Variants in KIAA1217 observed in about 807,000 individuals in gnomAD.
KIAA1217 encodes the protein sickle tail protein homolog.
A neutral mutation model predicts 163.9 loss-of-function variants in KIAA1217; 88 were observed. The observed-to-expected ratio is 0.54, with a 90% CI of 0.45 to 0.64. KIAA1217 has a LOEUF of 0.64. KIAA1217 is among the 30% of genes least tolerant of loss of function. The pLI is 0.00. For missense variants in KIAA1217, 2,372 were observed against 2,475.0 expected (o/e 0.96, Z 0.88); for synonymous variants, 903 against 923.1 (o/e 0.98, Z 0.39).
intron 2 of KIAA1217, among the ~76,000 whole-genome samples, chr10:24,111,379 A>G (rs1011345784): frequency 6.6e-6 from 1 of 152,174 alleles, no homozygotes; most frequent in Admixed American, 6.5e-5. Flanking sequence ...TAGTTGAATA[A>G]CGCAATATTC....
At chr10:23,719,112 C>G (rs1228138019) in intron 1 of KIAA1217, among the ~76,000 whole-genome samples, 1 of 152,128 alleles carries the variant, frequency 6.6e-6, no homozygotes, top group African/African-American at 2.4e-5. Context: ...ACTACATGTT[C>G]ATAGCAGCTC....
intron 5 of KIAA1217, among the ~76,000 whole-genome samples, chr10:24,450,351 A>G (rs1365256126): frequency 6.6e-6 from 1 of 152,244 alleles, no homozygotes; most frequent in Non-Finnish European, 1.5e-5. Flanking sequence ...ATCACATTAA[A>G]AACTTCTACA....
chr10:23,987,396 A>C lies in KIAA1217; in HGVS notation c.-320-19829A>C, dbSNP rs1589191501. Among the ~76,000 whole-genome samples, 17 of 142,088 alleles carry C rather than the reference A, an allele frequency of 1.2e-4. 3 individuals are homozygous for C. Among genetic ancestry groups the C allele is most frequent in the South Asian group, 4.7e-4 (2 of 4,260 alleles). 93.2% of individuals were successfully genotyped at this position (142,088 alleles called of 152,430 possible). On this transcript the variant is annotated intron_variant, in intron 1 of 18. Transcript: ENST00000376462. ...CATCTCAAAAAAAAAAAAAAAAGCC[A>C]CCCTTCTTACTTTTGTTTTTTTAAA...
intron 1 of KIAA1217, among the ~76,000 whole-genome samples, chr10:23,780,815 G>A (rs574623017): frequency 6.6e-6 from 1 of 152,010 alleles, no homozygotes; most frequent in African/African-American, 2.4e-5. Context: ...CGAGTAGCTG[G>A]GATTACAGGT....
intron 3 of KIAA1217, among the ~76,000 whole-genome samples, chr10:24,382,051 T>C (rs2053383523): frequency 6.6e-6 from 1 of 151,968 alleles, no homozygotes; most frequent in African/African-American, 2.4e-5. Context: ...GTTTACTTTC[T>C]ATCTTGCTTT....
intron 1 of KIAA1217, among the ~76,000 whole-genome samples, chr10:23,881,921 G>C (rs1048624524): frequency 6.6e-6 from 1 of 151,868 alleles, no homozygotes; most frequent in African/African-American, 2.4e-5. Flanking sequence ...TCTGATGCCA[G>C]AGCCCACCTA....
At chr10:24,367,490 A>G (rs551288363) in intron 2 of KIAA1217, among the ~76,000 whole-genome samples, 1 of 152,350 alleles carries the variant, frequency 6.6e-6, no homozygotes, top group Admixed American at 6.5e-5. Context: ...GCAGTAATGC[A>G]ACCACAAGCT....
chr10:23,979,736 C>A (rs1845688679), intron 1 of KIAA1217, among the ~76,000 whole-genome samples: 1 of 152,078 alleles, frequency 6.6e-6, no homozygotes, highest in Non-Finnish European at 1.5e-5. Context: ...AGTGTGGAAG[C>A]CAAATTGCAA....
intron 1 of KIAA1217, among the ~76,000 whole-genome samples, chr10:23,726,306 T>G (rs960039752): frequency 2.0e-5 from 3 of 149,082 alleles, no homozygotes; most frequent in African/African-American, 7.3e-5. Flanking sequence ...TGAGTTTGGT[T>G]TTTTTTTTTT....
At chr10:24,268,238 A>G (rs2076422634) in intron 2 of KIAA1217, among the ~76,000 whole-genome samples, 2 of 152,200 alleles carry the variant, frequency 1.3e-5, no homozygotes, top group Admixed American at 1.3e-4. Flanking sequence ...CATGCACAAT[A>G]TGTCAACAAC....
chr10:24,293,083 C>T (rs1187458592), intron 2 of KIAA1217, among the ~76,000 whole-genome samples: 1 of 152,132 alleles, frequency 6.6e-6, no homozygotes, highest in African/African-American at 2.4e-5. Flanking sequence ...CCCTCTGTCG[C>T]CCAGCCAGGA....
At chr10:24,187,616 C>T (rs1476111779) in intron 2 of KIAA1217, among the ~76,000 whole-genome samples, 1 of 152,160 alleles carries the variant, frequency 6.6e-6, no homozygotes, top group Non-Finnish European at 1.5e-5. Context: ...AATGGCCAGG[C>T]GCAGTGTCTC....
rs67342339 is a variant in KIAA1217, at chr10:23,765,187, CT to C, written c.-321+69978del. On this transcript the variant is annotated intron_variant, in intron 1 of 18. Coordinates refer to the KIAA1217 transcript ENST00000376462. ...TCTTTTGTTTTCCCTTTTTTGTTCT[CT>C]TTTTTTTTTTTTTTTTTTTTTTTTG... Among the ~76,000 whole-genome samples, 236 of 75,366 alleles carry C rather than the reference CT, an allele frequency of 3.1e-3. 1 individual carries two copies. In the East Asian group the frequency reaches 0.031, roughly 10 times the overall value. 49.4% of individuals were successfully genotyped at this position (75,366 alleles called of 152,430 possible).
chr10:24,501,596 A>G, intron 9 of KIAA1217, 51 bp downstream of exon 9: 7 of 1,557,328 alleles, frequency 4.5e-6, no homozygotes, highest in Non-Finnish European at 6.1e-6. Flanking sequence ...AGCTCTTCCT[A>G]CCTTCCTTTT....
Position 24,474,080 on chromosome 10 carries a change from A to G in KIAA1217, c.1679+20A>G. The G allele has an allele frequency of 1.3e-6, 2 of 1,557,568 alleles. No individual in the cohort carries two copies. The highest frequency in any genetic ancestry group is 1.7e-6 in the Non-Finnish European group (2 of 1,148,666). On this transcript the variant is annotated intron_variant, in intron 6 of 20. Coordinates refer to ENST00000376454, the MANE Select transcript of KIAA1217 (RefSeq NM_019590.5). ...GACCAGGTAAGGTGCAGTGAGGGTGACCGAGGGTGGTACCTGGGCCCATGT... is the reference window on the plus strand; with the variant it reads ...GACCAGGTAAGGTGCAGTGAGGGTGGCCGAGGGTGGTACCTGGGCCCATGT...
chr10:24,157,878 C>T, intron 2 of KIAA1217: 1 of 625,084 alleles, frequency 1.6e-6, no homozygotes, highest in Non-Finnish European at 2.9e-6. Flanking sequence ...GCATTAGGAT[C>T]TGAACCAATG....
At chr10:24,100,339 G>A (rs1159084627) in intron 2 of KIAA1217, among the ~76,000 whole-genome samples, 5 of 152,178 alleles carry the variant, frequency 3.3e-5, no homozygotes, top group African/African-American at 4.8e-5. Context: ...GCAGCTGCCA[G>A]AGAGGACACT....
chr10:24,246,236 A>G (rs986116284), intron 2 of KIAA1217, among the ~76,000 whole-genome samples: 1 of 152,200 alleles, frequency 6.6e-6, no homozygotes, highest in African/African-American at 2.4e-5. Context: ...ACTCTCATTT[A>G]AAACTATTCT....
chr10:23,868,097 G>A (rs16923995), intron 1 of KIAA1217, among the ~76,000 whole-genome samples: 2,331 of 151,886 alleles, frequency 0.015, 64 homozygotes, highest in African/African-American at 0.051. Context: ...GCAGGTCTAC[G>A]GCCATACCAC....
Sources: gnomAD v4.1 joint callset for allele counts (sites outside exome capture counted in the v4.1 genomes callset) on GRCh38, gnomAD v4.1.1 for gene constraint, MANE v1.5 for transcripts, NCBI Gene and HGNC (gene_info 2026-07-23, HGNC 2026-07-21) for gene names.